The following ASXL3 variants were observed in gnomAD, a reference collection of about 807,000 sequenced individuals.
The protein encoded by ASXL3 is ASXL transcriptional regulator 3.
In ASXL3, 34 loss-of-function variants were observed where a neutral mutation model predicts 170.6. The ratio of observed to expected loss-of-function variants is 0.20; its 90% CI spans 0.15 to 0.27. The LOEUF (loss-of-function observed/expected upper bound fraction) is 0.27. Among genes scored for constraint, ASXL3 ranks in the 10% least tolerant of loss-of-function variants. The pLI is 1.00. For missense variants in ASXL3, 2,592 were observed against 2,695.3 expected, an observed-to-expected ratio of 0.96 and a Z score of 0.85; for synonymous variants, 1,002 against 989.1, an observed-to-expected ratio of 1.01 and a Z score of -0.24.
intron 8 of ASXL3, among the ~76,000 whole-genome samples, chr18:33,724,896 A>C (rs2067322610): frequency 6.6e-6 from 1 of 152,132 alleles, no homozygotes; most frequent in Admixed American, 6.6e-5. Context: ...CCTTTAGGGA[A>C]TCCATCCCTT....
At chr18:33,633,025 T>C (rs2065703475) in intron 2 of ASXL3, among the ~76,000 whole-genome samples, 1 of 152,204 alleles carries the variant, frequency 6.6e-6, no homozygotes, top group Non-Finnish European at 1.5e-5. Context: ...ATCACGTTCC[T>C]GCACACCACA....
intron 5 of ASXL3, among the ~76,000 whole-genome samples, chr18:33,665,518 AT>A (rs2066243177): frequency 6.6e-6 from 1 of 152,248 alleles, no homozygotes; most frequent in Non-Finnish European, 1.5e-5. Context: ...AGCATGTGAT[AT>A]TTTCAGATTT....
Position 33,578,562 on chromosome 18 carries a change from C to T in ASXL3, c.-70C>T, listed in dbSNP as rs1203470418. On this transcript the variant is annotated 5_prime_UTR_variant, in exon 1 of 12. Transcript: ENST00000269197. ...TCACCGGGTCACTGGGTCATTGTCT[C>T]CGCGCCCGAACCCCGAGCACCCCGT... The T allele has an allele frequency of 2.9e-6, 3 of 1,035,422 alleles. No homozygotes were observed. The highest frequency in any genetic ancestry group is 3.8e-6 in the Non-Finnish European group (3 of 798,940). 64.1% of individuals were successfully genotyped at this position (1,035,422 alleles called of 1,614,324 possible). A position where few individuals can be genotyped will look rare whatever the true frequency, so the allele number is the denominator to read the frequency against.
intron 1 of ASXL3, 110 bp downstream of exon 1, chr18:33,578,795 C>A: frequency 1.5e-6 from 1 of 646,516 alleles, no homozygotes; most frequent in Non-Finnish European, 2.0e-6. Flanking sequence ...CCGCCGCCCG[C>A]TCGCCGGGCT....
At chr18:33,583,568 T>A (rs2065010838) in intron 1 of ASXL3, among the ~76,000 whole-genome samples, 1 of 152,188 alleles carries the variant, frequency 6.6e-6, no homozygotes, top group Admixed American at 6.5e-5. Flanking sequence ...AGTTTCAAGC[T>A]GGATAAAAAT....
At chr18:33,581,312 G>T (rs989323078) in intron 1 of ASXL3, among the ~76,000 whole-genome samples, 1 of 152,046 alleles carries the variant, frequency 6.6e-6, no homozygotes, top group African/African-American at 2.4e-5. Flanking sequence ...TAAATGAGGT[G>T]CCTGATTTTA....
At position 33,746,279 on chromosome 18, in the gene ASXL3, TGCAGCAACAACAGCA is replaced by T. The variant is rs1306648180; in HGVS notation, c.6434_6448del (p.Gln2145_Gln2149del). The stretch of plus-strand genomic sequence containing the variant: ...CAATTAGCTGCTCAGAAAATGCAGG[TGCAGCAACAACAGCA>T]GCTCTGTGGAAATTATCCAACAATA... On this transcript the variant is annotated inframe_deletion, in exon 12 of 12. Coordinates refer to ENST00000269197, the MANE Select transcript of ASXL3 (RefSeq NM_030632.3). 1 of 1,613,992 alleles carries T rather than the reference TGCAGCAACAACAGCA, an allele frequency of 6.2e-7. No individual in the cohort carries two copies. The highest frequency in any genetic ancestry group is 8.5e-7 in the Non-Finnish European group (1 of 1,179,898).
rs2067750534 is a variant in ASXL3 at position 33,744,977 on chromosome 18, C to T, written c.5129C>T (p.Ala1710Val). The change falls in exon 12 of 12, where the codon GCT (alanine) becomes GTT (valine). Residue 1710 changes from alanine to valine, a missense_variant. Physicochemically the swap from Ala to Val is moderately conservative, Grantham distance 64 (BLOSUM62 0). Coordinates refer to ENST00000269197, the MANE Select transcript of ASXL3 (RefSeq NM_030632.3). The part of the protein sequence containing the change: ...SSVQQTQNMK[A>V]STSSPMEEAI... Reference sequence around the variant, plus strand: ...GTACAACAAACACAGAACATGAAAGCTTCCACCTCAAGTCCCATGGAAGAG... The same window carrying T: ...GTACAACAAACACAGAACATGAAAGTTTCCACCTCAAGTCCCATGGAAGAG... The T allele has an allele frequency of 6.2e-7, 1 of 1,613,902 alleles. No individual in the cohort carries two copies. The highest frequency in any genetic ancestry group is 1.3e-5 in the African/African-American group (1 of 74,932).
chr18:33,711,627 CT>C (rs1335676584), intron 8 of ASXL3, among the ~76,000 whole-genome samples: 2 of 152,090 alleles, frequency 1.3e-5, no homozygotes, highest in African/African-American at 4.8e-5. Context: ...AAAGCCATTC[CT>C]CCCCTTTATC....
intron 8 of ASXL3, among the ~76,000 whole-genome samples, chr18:33,700,757 T>C (rs944932723): frequency 3.3e-5 from 5 of 152,064 alleles, no homozygotes; most frequent in Admixed American, 6.6e-5. Flanking sequence ...TAGATTGAGC[T>C]TTAGCCATAT....
intron 4 of ASXL3, among the ~76,000 whole-genome samples, chr18:33,649,115 T>C (rs1057419319): frequency 6.6e-5 from 10 of 151,908 alleles, no homozygotes; most frequent in Non-Finnish European, 1.5e-4. Flanking sequence ...CAAGAGACAG[T>C]TTAAAAAAAT....
intron 5 of ASXL3, among the ~76,000 whole-genome samples, chr18:33,670,390 GC>G (rs559507882): frequency 2.0e-5 from 3 of 152,300 alleles, no homozygotes; most frequent in African/African-American, 7.2e-5. Context: ...GGACTCTCAA[GC>G]CACAGTGCTA....
intron 8 of ASXL3, among the ~76,000 whole-genome samples, chr18:33,707,584 T>TA (rs1198163486): frequency 1.3e-5 from 2 of 152,106 alleles, no homozygotes; most frequent in Admixed American, 6.5e-5. Flanking sequence ...TATGGTTTTT[T>TA]ATCCTCTCAG....
chr18:33,709,314 AC>A (rs1398273219), intron 8 of ASXL3, among the ~76,000 whole-genome samples: 107 of 151,420 alleles, frequency 7.1e-4, no homozygotes, highest in African/African-American at 2.5e-3. Context: ...AAAAAAAAAA[AC>A]AACAAAAACA....
intron 2 of ASXL3, among the ~76,000 whole-genome samples, chr18:33,642,197 T>C (rs2065855597): frequency 6.6e-6 from 1 of 151,976 alleles, no homozygotes; most frequent in African/African-American, 2.4e-5. Flanking sequence ...TTCTATTCAA[T>C]AGCAGTTAAG....
At chr18:33,669,257 C>G (rs2066304985) in intron 5 of ASXL3, among the ~76,000 whole-genome samples, 1 of 152,040 alleles carries the variant, frequency 6.6e-6, no homozygotes, top group South Asian at 2.1e-4. Flanking sequence ...CACATATGTC[C>G]TCATTAAATA....
chr18:33,598,629 G>A (rs1210261704), intron 1 of ASXL3, among the ~76,000 whole-genome samples: 1 of 152,174 alleles, frequency 6.6e-6, no homozygotes, highest in Non-Finnish European at 1.5e-5. Flanking sequence ...CATTTTTGAA[G>A]CATTTCACTG....
chr18:33,643,627 A>G (rs2065877313), intron 2 of ASXL3, among the ~76,000 whole-genome samples: 2 of 151,892 alleles, frequency 1.3e-5, no homozygotes, highest in Admixed American at 6.6e-5. Context: ...CTGCCTTGCT[A>G]TTAAGTGTGT....
intron 7 of ASXL3, among the ~76,000 whole-genome samples, chr18:33,679,346 T>C (rs1247911383): frequency 6.6e-6 from 1 of 152,142 alleles, no homozygotes; most frequent in African/African-American, 2.4e-5. Context: ...CAGATGCTAG[T>C]AGAACAGACA....
Sources: gnomAD v4.1 joint callset for allele counts (sites outside exome capture counted in the v4.1 genomes callset) on GRCh38, gnomAD v4.1.1 for gene constraint, MANE v1.5 for transcripts, NCBI Gene and HGNC (gene_info 2026-07-23, HGNC 2026-07-21) for gene names.